MCUB: variants seen among roughly 807,000 people sequenced by gnomAD.
MCUB encodes mitochondrial calcium uniporter dominant negative subunit beta.
Under a neutral mutation model 41.4 loss-of-function variants are expected in MCUB, and 46 were observed. The ratio of observed to expected loss-of-function variants is 1.11; its 90% CI spans 0.88 to 1.42. The LOEUF (loss-of-function observed/expected upper bound fraction) is 1.42. MCUB is among the 40% of genes most tolerant of loss of function. The pLI is 0.00. For synonymous variants in MCUB, 148 were observed against 148.2 expected (o/e 1.00, Z 0.01); for missense variants, 403 against 404.9 (o/e 1.00, Z 0.04).
chr4:109,568,422 C>T (rs1218518905), intron 1 of MCUB, among the ~76,000 whole-genome samples: 5 of 152,138 alleles, frequency 3.3e-5, no homozygotes, highest in African/African-American at 4.8e-5. Flanking sequence ...CCCGCTCTAG[C>T]GTGGCTGAGC....
intron 1 of MCUB, among the ~76,000 whole-genome samples, chr4:109,628,156 TTGG>T (rs1728402939): frequency 6.6e-6 from 1 of 151,698 alleles, no homozygotes; most frequent in East Asian, 1.9e-4. Flanking sequence ...TGATAAGGAG[TTGG>T]TGGTACAGAG....
chr4:109,643,833 C>T (rs2126140961), intron 1 of MCUB, among the ~76,000 whole-genome samples: 1 of 152,288 alleles, frequency 6.6e-6, no homozygotes, highest in African/African-American at 2.4e-5. Context: ...GTTTTTAAGC[C>T]ATCCAGTCTG....
chr4:109,624,678 G>C (rs1267346301), intron 1 of MCUB, among the ~76,000 whole-genome samples: 1 of 152,200 alleles, frequency 6.6e-6, no homozygotes, highest in Non-Finnish European at 1.5e-5. Flanking sequence ...GAGGCACCAA[G>C]AAAGTTAACG....
At chr4:109,600,890 G>A (rs1448747344) in intron 1 of MCUB, among the ~76,000 whole-genome samples, 1 of 152,102 alleles carries the variant, frequency 6.6e-6, no homozygotes, top group Non-Finnish European at 1.5e-5. Context: ...TGCCTCCTGG[G>A]TTCAAGCGAT....
chr4:109,646,318 T>C (rs1728836750), intron 1 of MCUB, among the ~76,000 whole-genome samples: 1 of 152,186 alleles, frequency 6.6e-6, no homozygotes, highest in African/African-American at 2.4e-5. Flanking sequence ...CTCTTCCCCG[T>C]GCAGTAACTG....
chr4:109,591,695 A>T (rs1463017883), intron 1 of MCUB, among the ~76,000 whole-genome samples: 1 of 151,894 alleles, frequency 6.6e-6, no homozygotes, highest in Non-Finnish European at 1.5e-5. Flanking sequence ...TTTAAGTCCC[A>T]TTGTTTGTTT....
At position 109,562,604 on chromosome 4, in the gene MCUB, AT is replaced by A. The variant is rs542603848; in HGVS notation, c.99+2176del. Among the ~76,000 whole-genome samples, 127 of 151,148 alleles carry A rather than the reference AT, an allele frequency of 8.4e-4. 5 individuals carry two copies. In the East Asian group the frequency reaches 0.021, roughly 25 times the overall value. On this transcript the variant is annotated intron_variant, in intron 1 of 7. Coordinates refer to ENST00000394650, the MANE Select transcript of MCUB (RefSeq NM_017918.5). ...GTAAAGGCAAGTATTATTTCTATTT[AT>A]TTTTTTTCCCAGAAACATTCAGACC...
intron 1 of MCUB, chr4:109,648,663 C>G (rs1190329304): frequency 4.8e-6 from 2 of 420,030 alleles, no homozygotes; most frequent in Non-Finnish European, 9.2e-6. Flanking sequence ...AGTAAGAGTT[C>G]ATCAAAAGAG....
At chr4:109,667,673 T>C (rs1160821294) in intron 4 of MCUB, among the ~76,000 whole-genome samples, 3 of 150,462 alleles carry the variant, frequency 2.0e-5, no homozygotes, top group Non-Finnish European at 4.4e-5. Context: ...CTACTATATT[T>C]ATTATCTCTT....
intron 1 of MCUB, among the ~76,000 whole-genome samples, chr4:109,619,445 C>T (rs1416581245): frequency 5.3e-5 from 8 of 152,102 alleles, no homozygotes; most frequent in African/African-American, 1.9e-4. Flanking sequence ...TGGTGGCTCA[C>T]GCCTGTAATC....
chr4:109,569,000 A>C (rs1201657630), intron 1 of MCUB, among the ~76,000 whole-genome samples: 1 of 152,220 alleles, frequency 6.6e-6, no homozygotes, highest in Non-Finnish European at 1.5e-5. Flanking sequence ...AAAAGTTAAC[A>C]AAAAGAACCT....
chr4:109,572,790 C>T (rs1726944448), intron 1 of MCUB, among the ~76,000 whole-genome samples: 1 of 152,036 alleles, frequency 6.6e-6, no homozygotes, highest in Non-Finnish European at 1.5e-5. Context: ...TTTTCAATGG[C>T]TTTTCATACT....
intron 4 of MCUB, among the ~76,000 whole-genome samples, chr4:109,678,674 G>T (rs1164442507): frequency 2.7e-5 from 4 of 148,312 alleles, no homozygotes; most frequent in African/African-American, 1.0e-4. Context: ...AGATGGGGCG[G>T]CCAGGCAGAG....
At chr4:109,639,820 T>C (rs1427881006) in intron 1 of MCUB, among the ~76,000 whole-genome samples, 1 of 152,178 alleles carries the variant, frequency 6.6e-6, no homozygotes, top group African/African-American at 2.4e-5. Context: ...ATTTTCGGAA[T>C]GGTTAATGAG....
At chr4:109,661,988 G>A (rs1729240532) in intron 3 of MCUB, among the ~76,000 whole-genome samples, 1 of 152,148 alleles carries the variant, frequency 6.6e-6, no homozygotes, top group South Asian at 2.1e-4. Flanking sequence ...GTCCGAGATG[G>A]CACCACTGCA....
In MCUB at chr4:109,688,526, T is replaced by C. The variant is rs2126154529; in HGVS notation, c.*934T>C. The C allele has an allele frequency of 6.6e-6, 1 of 152,364 alleles. No homozygotes were observed. The highest frequency in any genetic ancestry group is 6.5e-5 in the Admixed American group (1 of 15,302). 9.4% of individuals were successfully genotyped at this position (152,364 alleles called of 1,614,324 possible). On this transcript the variant is annotated 3_prime_UTR_variant, in exon 8 of 8. Coordinates refer to ENST00000394650, the MANE Select transcript of MCUB (RefSeq NM_017918.5). ...AAAGTCATACACAAAATGTGGTAATTCATATGTAGATGAAATATTAAACAT... is the reference window on the plus strand; with the variant it reads ...AAAGTCATACACAAAATGTGGTAATCCATATGTAGATGAAATATTAAACAT...
Position 109,678,745 on chromosome 4 carries a change from G to A in MCUB, c.452-3837G>A, listed in dbSNP as rs184081076. On this transcript the variant is annotated intron_variant, in intron 4 of 7. Transcript: ENST00000394650. Reference sequence around the variant, plus strand: ...CAGAGGCGCTCCCCACATCCCAGACGGGGCGGCCGGGCAGAGGTGCTCCTC... The same window carrying A: ...CAGAGGCGCTCCCCACATCCCAGACAGGGCGGCCGGGCAGAGGTGCTCCTC... 7.0e-3 allele frequency among the ~76,000 whole-genome samples: 1,031 copies of A among 147,586 alleles called. 19 individuals carry two copies. The highest frequency in any genetic ancestry group is 0.058 in the South Asian group (265 of 4,582).
intron 1 of MCUB, among the ~76,000 whole-genome samples, chr4:109,651,965 C>T (rs1247592746): frequency 6.6e-6 from 1 of 152,188 alleles, no homozygotes; most frequent in African/African-American, 2.4e-5. Context: ...GTTTAGAAAC[C>T]TTCCTCGCCA....
chr4:109,597,770 C>A (rs1423554373), intron 1 of MCUB, among the ~76,000 whole-genome samples: 1 of 150,180 alleles, frequency 6.7e-6, no homozygotes, highest in Non-Finnish European at 1.5e-5. Flanking sequence ...GGGTGGCTGC[C>A]GGGCGGAGAG....
Sources: gnomAD v4.1 joint callset for allele counts (sites outside exome capture counted in the v4.1 genomes callset) on GRCh38, gnomAD v4.1.1 for gene constraint, MANE v1.5 for transcripts, NCBI Gene and HGNC (gene_info 2026-07-23, HGNC 2026-07-21) for gene names.